CHD1: variants seen among roughly 807,000 people sequenced by gnomAD.
CHD1 encodes ATP-dependent chromatin remodeler CHD1.
CHD1 carries 36 observed loss-of-function variants against 224.2 expected under a neutral mutation model. That is an observed-to-expected ratio of 0.16 (90% confidence interval 0.12 to 0.21). CHD1 has a LOEUF of 0.21. Ranked by LOEUF, CHD1 falls within the 10% of genes least tolerant of loss-of-function variation. The probability of loss-of-function intolerance (pLI) is 1.00; values close to 1 mark genes in which losing one functional copy is unlikely to be tolerated. For synonymous variants in CHD1, 668 were observed against 658.3 expected, an observed-to-expected ratio of 1.01 and a Z score of -0.23; for missense variants, 1,378 against 1,994.8, an observed-to-expected ratio of 0.69 and a Z score of 5.89.
intron 10 of CHD1, among the ~76,000 whole-genome samples, chr5:98,897,935 C>A (rs1223168538): frequency 6.6e-6 from 1 of 152,066 alleles, no homozygotes; most frequent in Non-Finnish European, 1.5e-5. Flanking sequence ...TTCTCCCAAC[C>A]CTTCCTGACA....
At chr5:98,914,782 C>T (rs1236825460) in intron 2 of CHD1, among the ~76,000 whole-genome samples, 1 of 152,212 alleles carries the variant, frequency 6.6e-6, no homozygotes, top group Admixed American at 6.5e-5. Context: ...TAGCCATTCC[C>T]TGGTTTCCCC....
chr5:98,900,160 T>C (rs889039772), intron 7 of CHD1, among the ~76,000 whole-genome samples: 4 of 151,218 alleles, frequency 2.6e-5, no homozygotes, highest in African/African-American at 9.7e-5. Flanking sequence ...CAGGCACCTG[T>C]AGTCCCAGCT....
chr5:98,917,305 A>AAAAAAAAAAAAAAC (rs1752800212), intron 2 of CHD1, among the ~76,000 whole-genome samples: 1 of 151,090 alleles, frequency 6.6e-6, no homozygotes, highest in East Asian at 1.9e-4. Flanking sequence ...GAAACAAAAA[A>AAAAAAAAAAAAAAC]AAAAAACAAC....
rs188390504 is a variant in CHD1, at chr5:98,869,136, G to A, written c.4108-501C>T. The A allele has an allele frequency of 7.3e-5, 69 of 945,730 alleles. No homozygotes were observed. The African/African-American group carries it at 1.2e-3, about 17-fold the overall frequency. The allele number at this position is 945,730 out of a possible 1,614,324, so 58.6% of individuals were successfully genotyped here. On this transcript the variant is annotated intron_variant, in intron 30 of 35. Transcript: ENST00000614616. ...TCTTTTTCTTTTATCTCCCTTTTAAGTTCTTTTTTATTCTCCTTTTCTTTT... is the reference window on the plus strand; with the variant it reads ...TCTTTTTCTTTTATCTCCCTTTTAAATTCTTTTTTATTCTCCTTTTCTTTT...
intron 2 of CHD1, among the ~76,000 whole-genome samples, chr5:98,911,146 A>AAT (rs1158932549): frequency 0.047 from 1,818 of 39,018 alleles, 79 homozygotes; most frequent in Middle Eastern, 0.11. Context: ...AAAAAAAAAA[A>AAT]ATATATATAT....
chr5:98,862,914 T>A (rs1748583345), intron 32 of CHD1, among the ~76,000 whole-genome samples: 1 of 152,314 alleles, frequency 6.6e-6, no homozygotes, highest in Non-Finnish European at 1.5e-5. Context: ...TTTAATATAA[T>A]CCTTTAGATT....
chr5:98,910,810 T>C (rs1409005190), intron 2 of CHD1, among the ~76,000 whole-genome samples: 1 of 152,110 alleles, frequency 6.6e-6, no homozygotes, highest in African/African-American at 2.4e-5. Flanking sequence ...ATTTTGTAGA[T>C]GCACCATCGT....
chr5:98,866,234 CAAAT>C (rs1748857547), intron 31 of CHD1, among the ~76,000 whole-genome samples: 2 of 152,102 alleles, frequency 1.3e-5, no homozygotes, highest in South Asian at 4.1e-4. Context: ...AAATATGGCT[CAAAT>C]AAATAAAATG....
chr5:98,872,285 C>T (rs1749408386), intron 27 of CHD1, 84 bp from the exon 28 acceptor site: 1 of 1,485,902 alleles, frequency 6.7e-7, no homozygotes, highest in East Asian at 2.3e-5. Context: ...GTCATTAGAA[C>T]TTCAAAATAA....
At chr5:98,923,418 ATT>A (rs5869836) in intron 2 of CHD1, among the ~76,000 whole-genome samples, 46,514 of 145,742 alleles carry the variant, frequency 0.32, 8,503 homozygotes, top group African/African-American at 0.53. Flanking sequence ...GCAAGGTTTA[ATT>A]TTTTTTTTTT....
intron 31 of CHD1, 77 bp from the exon 32 acceptor site, chr5:98,863,663 T>C: frequency 2.2e-6 from 2 of 918,128 alleles, no homozygotes; most frequent in Non-Finnish European, 3.3e-6. Context: ...CCTTCAATGA[T>C]ATTTACATGA....
intron 34 of CHD1, 45 bp downstream of exon 34, chr5:98,858,919 A>T: frequency 7.1e-7 from 1 of 1,401,898 alleles, no homozygotes; most frequent in East Asian, 2.7e-5. Context: ...AAATTTAAAA[A>T]AAATTTTTTT....
At position 98,856,287 on chromosome 5, in the gene CHD1, T is replaced by G; in HGVS notation, c.*93A>C. On this transcript the variant is annotated 3_prime_UTR_variant, in exon 36 of 36. Coordinates refer to ENST00000614616, the MANE Select transcript of CHD1 (RefSeq NM_001270.4). ...AATACTGCTACTGATAGAAGATCTG[T>G]TTATATCTTTCAAGTCATGTAAGGC... is the stretch of plus-strand genomic sequence containing the variant. 1 of 859,734 alleles carries G rather than the reference T, an allele frequency of 1.2e-6. No individual in the cohort carries two copies. Among genetic ancestry groups the G allele is most frequent in the Non-Finnish European group, 1.9e-6 (1 of 536,564 alleles). 53.3% of individuals were successfully genotyped at this position (859,734 alleles called of 1,614,324 possible).
intron 2 of CHD1, among the ~76,000 whole-genome samples, chr5:98,907,767 G>A (rs1388285056): frequency 6.6e-6 from 1 of 151,894 alleles, no homozygotes; most frequent in East Asian, 1.9e-4. Flanking sequence ...AACAATGGCA[G>A]AATAACCCAA....
At chr5:98,871,450 G>A (rs540533618) in intron 28 of CHD1, among the ~76,000 whole-genome samples, 296 of 142,722 alleles carry the variant, frequency 2.1e-3, no homozygotes, top group African/African-American at 7.5e-3. Flanking sequence ...CTACAATGCC[G>A]ATGTTTTTTA....
At chr5:98,886,801 C>T (rs1750678801) in intron 17 of CHD1, among the ~76,000 whole-genome samples, 1 of 152,002 alleles carries the variant, frequency 6.6e-6, no homozygotes, top group Non-Finnish European at 1.5e-5. Context: ...AGAATAGTGG[C>T]ATCTCATTAC....
intron 2 of CHD1, among the ~76,000 whole-genome samples, chr5:98,921,383 T>C (rs1753085571): frequency 3.3e-5 from 5 of 152,222 alleles, no homozygotes; most frequent in Admixed American, 3.3e-4. Flanking sequence ...TCCAGATGAA[T>C]AGCTTCATAT....
intron 30 of CHD1, 165 bp from the exon 31 acceptor site, chr5:98,868,800 T>TG: frequency 1.3e-6 from 1 of 753,016 alleles, no homozygotes; most frequent in Non-Finnish European, 2.0e-6. Flanking sequence ...CAATTTTATT[T>TG]GGGGAAACAA....
Position 98,898,425 on chromosome 5 carries a change from T to G in CHD1, c.1196A>C (p.Asn399Thr). Reference sequence around the variant, plus strand: ...AGGATAACCAGCTGCTGACTTTTGATTGGAATGAGCTGTGAGAGAATCAGG... The same window carrying G: ...AGGATAACCAGCTGCTGACTTTTGAGTGGAATGAGCTGTGAGAGAATCAGG... Reference protein sequence around the residue: ...QIVERIIAHSNQKSAAGYPDY... With the variant: ...QIVERIIAHSTQKSAAGYPDY... Residue 399 changes from asparagine (N) to threonine (T), a missense_variant, in exon 10 of 36, where the codon AAT becomes ACT. Physicochemically the swap from Asn to Thr is moderately conservative, Grantham distance 65. This residue lies in a region of CHD1 where 86 missense variants were observed against 97.7 expected (regional missense o/e 0.88). Coordinates refer to ENST00000614616, the MANE Select transcript of CHD1 (RefSeq NM_001270.4). The G allele has an allele frequency of 1.3e-6, 2 of 1,573,752 alleles. No individual in the cohort carries two copies.
Sources: gnomAD v4.1 joint callset for allele counts (sites outside exome capture counted in the v4.1 genomes callset) on GRCh38, gnomAD v4.1.1 for gene constraint, gnomAD v4.1.1 regional missense constraint, MANE v1.5 for transcripts, NCBI Gene and HGNC (gene_info 2026-07-23, HGNC 2026-07-21) for gene names.